Variants in ALG10B observed in about 807,000 individuals in gnomAD.
ALG10B encodes ALG10 alpha-1,2-glucosyltransferase B.
In ALG10B, 27 loss-of-function variants were observed where a neutral mutation model predicts 38.7. The observed-to-expected ratio is 0.70, with a 90% CI of 0.51 to 0.96. The LOEUF (loss-of-function observed/expected upper bound fraction) is 0.96. Ranked by LOEUF, ALG10B falls within the 40% of genes least tolerant of loss-of-function variation. The pLI, the probability that ALG10B is intolerant of heterozygous loss-of-function variation, is 0.00. For synonymous variants in ALG10B, 177 were observed against 193.3 expected (o/e 0.92, Z 0.70); for missense variants, 522 against 542.7 (o/e 0.96, Z 0.38).
Position 38,323,351 on chromosome 12 carries a change from A to T in ALG10B, c.*2138A>T, listed in dbSNP as rs2120505113. ...ATTAGGGAACAACTGCTGGGGTAGG[A>T]TTATTTTGTGTTACTTTTTGAATTT... is the stretch of plus-strand genomic sequence containing the variant. On this transcript the variant is annotated 3_prime_UTR_variant, in exon 3 of 3. Coordinates refer to ENST00000308742, the MANE Select transcript of ALG10B (RefSeq NM_001013620.4). 1 of 152,542 alleles carries T rather than the reference A, an allele frequency of 6.6e-6. No individual in the cohort carries two copies. Among genetic ancestry groups the T allele is most frequent in the South Asian group, 2.1e-4 (1 of 4,846 alleles). The allele number at this position is 152,542 out of a possible 1,614,324, so 9.4% of individuals were successfully genotyped here.
rs548423237 is a variant in ALG10B, at chr12:38,325,517, G to A, written c.*4304G>A. ...TAAATAAAATATTTATTCACATGAA[G>A]AAATAAATTTTGTGTTTATTAGGTT... On this transcript the variant is annotated 3_prime_UTR_variant, in exon 3 of 3. Coordinates refer to ENST00000308742, the MANE Select transcript of ALG10B (RefSeq NM_001013620.4). 1 of 148,182 alleles carries A rather than the reference G, an allele frequency of 6.7e-6. No homozygotes were observed. Among genetic ancestry groups the A allele is most frequent in the South Asian group, 2.1e-4 (1 of 4,826 alleles). The allele number at this position is 148,182 out of a possible 1,614,324, so 9.2% of individuals were successfully genotyped here. A position where few individuals can be genotyped will look rare whatever the true frequency, so the allele number is the denominator to read the frequency against.
rs1326692177 is a variant in ALG10B, at chr12:38,324,689, A to T, written c.*3476A>T. 1 of 152,216 alleles carries T rather than the reference A, an allele frequency of 6.6e-6. No homozygotes were observed. Among genetic ancestry groups the T allele is most frequent in the Non-Finnish European group, 1.5e-5 (1 of 68,028 alleles). 9.4% of individuals were successfully genotyped at this position (152,216 alleles called of 1,614,324 possible). A position where few individuals can be genotyped will look rare whatever the true frequency, so the allele number is the denominator to read the frequency against. On this transcript the variant is annotated 3_prime_UTR_variant, in exon 3 of 3. Coordinates refer to ENST00000308742, the MANE Select transcript of ALG10B (RefSeq NM_001013620.4). ...TCATTTTGCCTTTAGTCGTTCAAGA[A>T]ATGATACTAAACTCAAAGTCATTCA...
chr12:38,324,271 T>C lies in ALG10B; in HGVS notation c.*3058T>C. ...CTGGTCTCGAACTCCTGACCTCAGG[T>C]AATCCACCTGCCTCGCCTCCCAAAG... On this transcript the variant is annotated 3_prime_UTR_variant, in exon 3 of 3. Coordinates refer to ENST00000308742, the MANE Select transcript of ALG10B (RefSeq NM_001013620.4). The C allele has an allele frequency of 4.7e-6, 1 of 212,008 alleles. No homozygotes were observed. The allele number at this position is 212,008 out of a possible 1,614,324, so 13.1% of individuals were successfully genotyped here.
Position 38,321,364 on chromosome 12 carries a change from A to T in ALG10B, c.*151A>T. On this transcript the variant is annotated 3_prime_UTR_variant, in exon 3 of 3. Transcript: ENST00000308742. ...TTTTTTTAATATATATTTTAAACAT[A>T]TGTAAGAAATTAAGTGGCAAAGAAC... 1.4e-6 allele frequency: 1 copy of T among 733,572 alleles called. No individual in the cohort carries two copies. The highest frequency in any genetic ancestry group is 2.0e-6 in the Non-Finnish European group (1 of 497,148). The allele number at this position is 733,572 out of a possible 1,614,324, so 45.4% of individuals were successfully genotyped here.
In ALG10B at chr12:38,316,907, A is replaced by C; in HGVS notation, c.14A>C (p.Glu5Ala). Residue 5 changes from glutamate (E) to alanine (A), a missense_variant, in exon 1 of 3, where the codon GAG (glutamate) becomes GCG (alanine). Transcript: ENST00000308742. MAQL[E>A]GYCFSAALSC... is the part of the protein sequence containing the mutation. ...GTGGGAGCAGGAATGGCGCAGCTAG[A>C]GGGTTACTGTTTCTCGGCCGCCTTG... The C allele has an allele frequency of 6.2e-7, 1 of 1,614,048 alleles. No homozygotes were observed. The highest frequency in any genetic ancestry group is 8.5e-7 in the Non-Finnish European group (1 of 1,180,024).
At position 38,324,173 on chromosome 12, in the gene ALG10B, T is replaced by C. The variant is rs11183324; in HGVS notation, c.*2960T>C. On this transcript the variant is annotated 3_prime_UTR_variant, in exon 3 of 3. Transcript: ENST00000308742. Reference sequence around the variant, plus strand: ...TCAGCCTCCCGAGTAGCTGAGATTATAGGCGCCCACCACCAAGCCTGGCTA... The same window carrying C: ...TCAGCCTCCCGAGTAGCTGAGATTACAGGCGCCCACCACCAAGCCTGGCTA... 144,411 of 433,480 alleles carry C rather than the reference T, an allele frequency of 0.33. 28,695 individuals carry two copies. Among genetic ancestry groups the C allele is most frequent in the Non-Finnish European group, 0.42 (102,196 of 243,362 alleles). 26.9% of individuals were successfully genotyped at this position (433,480 alleles called of 1,614,324 possible). A position where few individuals can be genotyped will look rare whatever the true frequency, so the allele number is the denominator to read the frequency against.
At position 38,321,038 on chromosome 12, in the gene ALG10B, G is replaced by A. The variant is rs372347662; in HGVS notation, c.1247G>A (p.Arg416His). 5.0e-5 allele frequency: 81 copies of A among 1,613,204 alleles called. No homozygotes were observed. Among genetic ancestry groups the A allele is most frequent in the Middle Eastern group, 1.6e-4 (1 of 6,078 alleles). Residue 416 changes from arginine to histidine, a missense_variant, in exon 3 of 3, where the codon CGT (arginine) becomes CAT (histidine). By Grantham distance (29) the Arg-to-His change is conservative (BLOSUM62 0). Coordinates refer to ENST00000308742, the MANE Select transcript of ALG10B (RefSeq NM_001013620.4). ...VIVPQKLLEFRYFILPYVIYR... is the reference protein window; with the variant it reads ...VIVPQKLLEFHYFILPYVIYR... ...GTTCCTCAGAAACTGCTGGAATTTC[G>A]TTACTTCATTTTACCTTATGTCATT... is the stretch of plus-strand genomic sequence containing the variant.
At position 38,322,946 on chromosome 12, in the gene ALG10B, C is replaced by T. The variant is rs1354485724; in HGVS notation, c.*1733C>T. On this transcript the variant is annotated 3_prime_UTR_variant, in exon 3 of 3. Transcript: ENST00000308742. ...TTGTTGCAAATGACACAATTTCTTC[C>T]TTTTTAAAGGCTGAATAGTATTTTT... 1 of 152,126 alleles carries T rather than the reference C, an allele frequency of 6.6e-6. No homozygotes were observed. The highest frequency in any genetic ancestry group is 1.5e-5 in the Non-Finnish European group (1 of 68,016). The allele number at this position is 152,126 out of a possible 1,614,324, so 9.4% of individuals were successfully genotyped here. A position where few individuals can be genotyped will look rare whatever the true frequency, so the allele number is the denominator to read the frequency against.
rs986507028 is a variant in ALG10B at position 38,324,259 on chromosome 12, C to T, written c.*3046C>T. 1.3e-5 allele frequency: 3 copies of T among 225,988 alleles called. No homozygotes were observed. Among genetic ancestry groups the T allele is most frequent in the African/African-American group, 6.8e-5 (3 of 43,990 alleles). The allele number at this position is 225,988 out of a possible 1,614,324, so 14.0% of individuals were successfully genotyped here. ...GTGTTAGCCAGGCTGGTCTCGAACT[C>T]CTGACCTCAGGTAATCCACCTGCCT... On this transcript the variant is annotated 3_prime_UTR_variant, in exon 3 of 3. Coordinates refer to ENST00000308742, the MANE Select transcript of ALG10B (RefSeq NM_001013620.4).
chr12:38,326,647 T>C lies in ALG10B; in HGVS notation c.*5434T>C, dbSNP rs1229961000. The stretch of plus-strand genomic sequence containing the variant: ...ATTTCAACTAATTACAAATACTTTG[T>C]TTTTTTTAGTTGGGCTACATTTTAC... On this transcript the variant is annotated 3_prime_UTR_variant, in exon 3 of 3. Transcript: ENST00000308742. The C allele has an allele frequency of 1.3e-5, 2 of 151,400 alleles. No homozygotes were observed. The highest frequency in any genetic ancestry group is 2.9e-5 in the Non-Finnish European group (2 of 67,862). The allele number at this position is 151,400 out of a possible 1,614,324, so 9.4% of individuals were successfully genotyped here.
At chr12:38,320,059 G>A in intron 2 of ALG10B, 102 bp from the exon 3 acceptor site, 2 of 1,392,658 alleles carry the variant, frequency 1.4e-6, no homozygotes, top group South Asian at 1.2e-5. Context: ...ATTTAAATAA[G>A]GTTTGAGTAG....
Position 38,324,927 on chromosome 12 carries a change from A to G in ALG10B, c.*3714A>G, listed in dbSNP as rs1365924638. Reference sequence around the variant, plus strand: ...CATCTGGAGCCCTACAGTTACCATTACTAAAGTCTGTGAGTATGTCTATTT... The same window carrying G: ...CATCTGGAGCCCTACAGTTACCATTGCTAAAGTCTGTGAGTATGTCTATTT... On this transcript the variant is annotated 3_prime_UTR_variant, in exon 3 of 3. Transcript: ENST00000308742. The G allele has an allele frequency of 1.3e-5, 2 of 152,216 alleles. No individual in the cohort carries two copies. Among genetic ancestry groups the G allele is most frequent in the East Asian group, 3.8e-4 (2 of 5,204 alleles). The allele number at this position is 152,216 out of a possible 1,614,324, so 9.4% of individuals were successfully genotyped here. A position where few individuals can be genotyped will look rare whatever the true frequency, so the allele number is the denominator to read the frequency against.
rs1361949223 is a variant in ALG10B, at chr12:38,324,184, C to G, written c.*2971C>G. 3 of 410,434 alleles carry G rather than the reference C, an allele frequency of 7.3e-6. No homozygotes were observed. The highest frequency in any genetic ancestry group is 1.3e-5 in the Non-Finnish European group (3 of 229,752). The allele number at this position is 410,434 out of a possible 1,614,324, so 25.4% of individuals were successfully genotyped here. The stretch of plus-strand genomic sequence containing the variant: ...AGTAGCTGAGATTATAGGCGCCCAC[C>G]ACCAAGCCTGGCTAATTTTTTCTAT... On this transcript the variant is annotated 3_prime_UTR_variant, in exon 3 of 3. Transcript: ENST00000308742.
At position 38,323,513 on chromosome 12, in the gene ALG10B, A is replaced by G. The variant is rs183333944; in HGVS notation, c.*2300A>G. 7.1e-4 allele frequency: 117 copies of G among 164,976 alleles called. No homozygotes were observed. The highest frequency in any genetic ancestry group is 2.5e-3 in the African/African-American group (104 of 41,968). The allele number at this position is 164,976 out of a possible 1,614,324, so 10.2% of individuals were successfully genotyped here. A position where few individuals can be genotyped will look rare whatever the true frequency, so the allele number is the denominator to read the frequency against. ...TTTTAACATAATTTTATGTTTCTAA[A>G]CTTTAAAAGTAGCTATAAGTGAACA... On this transcript the variant is annotated 3_prime_UTR_variant, in exon 3 of 3. Transcript: ENST00000308742.
chr12:38,323,652 A>C lies in ALG10B; in HGVS notation c.*2439A>C. 2.3e-6 allele frequency: 1 copy of C among 433,636 alleles called. No homozygotes were observed. Among genetic ancestry groups the C allele is most frequent in the Non-Finnish European group, 4.1e-6 (1 of 243,720 alleles). The allele number at this position is 433,636 out of a possible 1,614,324, so 26.9% of individuals were successfully genotyped here. ...AAATTACAAGTATAATTTGAGTAAT[A>C]AATGCAGGCCATTTTTTGGTTGTAC... On this transcript the variant is annotated 3_prime_UTR_variant, in exon 3 of 3. Coordinates refer to ENST00000308742, the MANE Select transcript of ALG10B (RefSeq NM_001013620.4).
At position 38,326,905 on chromosome 12, in the gene ALG10B, A is replaced by G. The variant is rs1945749190; in HGVS notation, c.*5692A>G. 6.6e-6 allele frequency: 1 copy of G among 151,544 alleles called. No homozygotes were observed. Among genetic ancestry groups the G allele is most frequent in the South Asian group, 2.1e-4 (1 of 4,826 alleles). 9.4% of individuals were successfully genotyped at this position (151,544 alleles called of 1,614,324 possible). A position where few individuals can be genotyped will look rare whatever the true frequency, so the allele number is the denominator to read the frequency against. ...AATTCTGTCACAATATAATATCTCT[A>G]TATTGTGCTTTTTTAAGAGATAAAT... On this transcript the variant is annotated 3_prime_UTR_variant, in exon 3 of 3. Transcript: ENST00000308742.
chr12:38,317,357 T>G, intron 1 of ALG10B: 1 of 484,020 alleles, frequency 2.1e-6, no homozygotes, highest in Non-Finnish European at 3.7e-6. Flanking sequence ...ACTTTGTTTT[T>G]CCTTGTCTCA....
At chr12:38,316,712 G>C (rs761926915), upstream of ALG10B, 177 of 988,146 alleles carry the variant, frequency 1.8e-4, no homozygotes, top group Non-Finnish European at 2.6e-4. Flanking sequence ...CGTCACTCCA[G>C]GAAACAGCGA....
At position 38,320,385 on chromosome 12, in the gene ALG10B, G is replaced by A; in HGVS notation, c.594G>A (p.Gly198=). Residue 198 remains glycine, a synonymous_variant, in exon 3 of 3, where the codon GGG becomes GGA. Coordinates refer to ENST00000308742, the MANE Select transcript of ALG10B (RefSeq NM_001013620.4). The part of the protein sequence containing the change: ...TNIIWAVFCA[G]NVIAQKLTEA... ...TCATCTGGGCTGTCTTCTGTGCAGG[G>A]AATGTCATTGCACAAAAGTTAACTG... 1 of 1,614,070 alleles carries A rather than the reference G, an allele frequency of 6.2e-7. No homozygotes were observed. The highest frequency in any genetic ancestry group is 1.1e-5 in the South Asian group (1 of 91,068).
Sources: allele counts gnomAD v4.1 joint callset, GRCh38; gene constraint gnomAD v4.1.1; transcripts MANE v1.5; gene names NCBI Gene and HGNC (gene_info 2026-07-23, HGNC 2026-07-21).